LRRC49: variants seen among roughly 807,000 people sequenced by gnomAD.
The protein encoded by LRRC49 is leucine-rich repeat-containing protein 49.
In LRRC49, 50 loss-of-function variants were observed where a neutral mutation model predicts 83.3. The observed-to-expected ratio is 0.60, with a 90% CI of 0.48 to 0.76. The LOEUF (loss-of-function observed/expected upper bound fraction) is 0.76. Ranked by LOEUF, LRRC49 falls within the 30% of genes least tolerant of loss-of-function variation. LRRC49 has a pLI of 0.00. For synonymous variants in LRRC49, 286 were observed against 283.3 expected (o/e 1.01, Z -0.10); for missense variants, 704 against 809.1 (o/e 0.87, Z 1.58).
intron 8 of LRRC49, among the ~76,000 whole-genome samples, chr15:70,948,760 C>G (rs1015716263): frequency 1.1e-4 from 17 of 151,998 alleles, no homozygotes; most frequent in African/African-American, 3.9e-4. Context: ...TGTTTAGAAA[C>G]TAAGATTTGA....
chr15:71,027,336 G>A (rs1452533983), intron 14 of LRRC49, among the ~76,000 whole-genome samples: 1 of 152,096 alleles, frequency 6.6e-6, no homozygotes, highest in Non-Finnish European at 1.5e-5. Flanking sequence ...TGTTGTTTTG[G>A]TTACTGTAGC....
At chr15:71,034,656 A>G (rs1216426255) in intron 14 of LRRC49, among the ~76,000 whole-genome samples, 1 of 152,248 alleles carries the variant, frequency 6.6e-6, no homozygotes, top group African/African-American at 2.4e-5. Flanking sequence ...AGACTGGATA[A>G]AGAAATTGTG....
intron 4 of LRRC49, among the ~76,000 whole-genome samples, chr15:70,901,797 A>G (rs2034092007): frequency 6.6e-6 from 1 of 152,186 alleles, no homozygotes; most frequent in African/African-American, 2.4e-5. Context: ...AGAACCTGGT[A>G]CAAAACACAC....
At chr15:70,980,470 C>G (rs1170387655) in intron 10 of LRRC49, among the ~76,000 whole-genome samples, 3 of 151,794 alleles carry the variant, frequency 2.0e-5, no homozygotes, top group Non-Finnish European at 4.4e-5. Context: ...TTATTTCATA[C>G]CAGTGCATCA....
chr15:70,947,596 A>C (rs2036055690), intron 8 of LRRC49, among the ~76,000 whole-genome samples: 1 of 152,206 alleles, frequency 6.6e-6, no homozygotes, highest in South Asian at 2.1e-4. Context: ...GCTCTGGCAA[A>C]AGGTTCTGAA....
intron 13 of LRRC49, among the ~76,000 whole-genome samples, chr15:71,010,509 A>G (rs969731545): frequency 2.6e-5 from 4 of 151,914 alleles, no homozygotes; most frequent in Non-Finnish European, 5.9e-5. Flanking sequence ...GAAGAAAGAT[A>G]AAATAAGAGA....
At chr15:70,988,110 C>G (rs1366683799) in intron 11 of LRRC49, among the ~76,000 whole-genome samples, 1 of 150,886 alleles carries the variant, frequency 6.6e-6, no homozygotes, top group Non-Finnish European at 1.5e-5. Context: ...AATGTATATT[C>G]TGTTGATTTG....
At chr15:71,018,423 TGA>T (rs1282399707) in intron 14 of LRRC49, among the ~76,000 whole-genome samples, 1 of 152,220 alleles carries the variant, frequency 6.6e-6, no homozygotes, top group African/African-American at 2.4e-5. Context: ...TACCATTTCT[TGA>T]GTTAAAAACA....
chr15:70,969,265 T>C (rs1169838689), intron 9 of LRRC49, among the ~76,000 whole-genome samples: 1 of 152,216 alleles, frequency 6.6e-6, no homozygotes, highest in Non-Finnish European at 1.5e-5. Context: ...CTTGTTTTTG[T>C]CAGGTTTGTC....
intron 11 of LRRC49, among the ~76,000 whole-genome samples, chr15:70,991,047 C>T (rs762291094): frequency 1.4e-4 from 22 of 152,228 alleles, no homozygotes; most frequent in Non-Finnish European, 2.5e-4. Context: ...CAGCAGCCAG[C>T]ACAAAACCTT....
intron 3 of LRRC49, chr15:70,900,439 C>A (rs764620241): frequency 2.0e-5 from 9 of 456,092 alleles, no homozygotes; most frequent in South Asian, 1.2e-4. Context: ...TGCATCTCAT[C>A]CACAACAAAT....
intron 15 of LRRC49, among the ~76,000 whole-genome samples, chr15:71,042,426 C>T (rs2039723350): frequency 6.6e-6 from 1 of 152,036 alleles, no homozygotes; most frequent in Non-Finnish European, 1.5e-5. Context: ...ATCTGAAGCC[C>T]CAAAATATTT....
At chr15:70,972,980 A>G (rs751328951) in intron 9 of LRRC49, among the ~76,000 whole-genome samples, 1 of 151,974 alleles carries the variant, frequency 6.6e-6, no homozygotes, top group Non-Finnish European at 1.5e-5. Context: ...TCTGAAGCCT[A>G]CTTCTGTCAA....
rs532106452 is a variant in LRRC49, at chr15:71,030,845, G to A, written c.1704-6334G>A. On this transcript the variant is annotated intron_variant, in intron 14 of 15. Coordinates refer to ENST00000260382, the MANE Select transcript of LRRC49 (RefSeq NM_017691.5). ...CTTATATATGCTTCATGAAGTTCTC[G>A]TGCTGTGTTTTTCAGCTCCATCAGG... Among the ~76,000 whole-genome samples the A allele has an allele frequency of 1.1e-4, 16 of 151,852 alleles. No homozygotes were observed. In the South Asian group the frequency reaches 2.9e-3, roughly 28 times the overall value.
Position 70,904,631 on chromosome 15 carries a change from C to T in LRRC49, c.376C>T (p.Arg126Trp), listed in dbSNP as rs771664834. The T allele has an allele frequency of 3.7e-6, 6 of 1,612,544 alleles. No homozygotes were observed. The highest frequency in any genetic ancestry group is 5.1e-6 in the Non-Finnish European group (6 of 1,178,696). The change falls in exon 5 of 16, where the codon CGG (arginine) becomes TGG (tryptophan). Residue 126 changes from arginine (R) to tryptophan (W), a missense_variant. Around this residue, in one of 3 missense-constraint regions of LRRC49, gnomAD observed 261 missense variants for 330.5 expected, o/e 0.79. Transcript: ENST00000260382. ...LLNFQHNFIT[R>W]IQNISNLQKL... ...GAACTTTCAACACAATTTTATAACT[C>T]GGATACAAAATATTTCTAATCTACA...
chr15:70,872,169 A>G (rs1408662434), intron 1 of LRRC49, among the ~76,000 whole-genome samples: 2 of 152,246 alleles, frequency 1.3e-5, no homozygotes, highest in Non-Finnish European at 2.9e-5. Flanking sequence ...CGAAGCTGGC[A>G]GATCACTCAC....
At chr15:71,020,300 T>C (rs2038954152) in intron 14 of LRRC49, among the ~76,000 whole-genome samples, 1 of 151,678 alleles carries the variant, frequency 6.6e-6, no homozygotes, top group South Asian at 2.1e-4. Flanking sequence ...GAAGATAGAG[T>C]ATATGAGAAA....
intron 8 of LRRC49, among the ~76,000 whole-genome samples, chr15:70,952,972 A>G (rs1315277410): frequency 1.3e-5 from 2 of 151,958 alleles, no homozygotes; most frequent in South Asian, 2.1e-4. Context: ...TTTGTTTCCT[A>G]TTAGCCTGAT....
upstream of LRRC49, chr15:70,892,818 T>C (rs1423079896): frequency 6.2e-6 from 10 of 1,613,914 alleles, no homozygotes; most frequent in Non-Finnish European, 8.5e-6. Flanking sequence ...AGATGACCTC[T>C]TTCGGGTCTC....
Sources: gnomAD v4.1 joint callset for allele counts (sites outside exome capture counted in the v4.1 genomes callset) on GRCh38, gnomAD v4.1.1 for gene constraint, gnomAD v4.1.1 regional missense constraint, MANE v1.5 for transcripts, NCBI Gene and HGNC (gene_info 2026-07-23, HGNC 2026-07-21) for gene names.